ACOXL: variants seen among roughly 807,000 people sequenced by gnomAD.
ACOXL encodes the protein acyl-coenzyme A oxidase-like protein.
Under a neutral mutation model 71.9 loss-of-function variants are expected in ACOXL, and 70 were observed. The ratio of observed to expected loss-of-function variants is 0.97; its 90% CI spans 0.80 to 1.19. The LOEUF (loss-of-function observed/expected upper bound fraction) is 1.19. Ranked by LOEUF, ACOXL falls within the 50% of genes most tolerant of loss-of-function variation. The pLI is 0.00. For missense variants in ACOXL, 703 were observed against 736.3 expected (o/e 0.95, Z 0.52); for synonymous variants, 253 against 281.6 (o/e 0.90, Z 1.02).
At position 110,974,621 on chromosome 2, in the gene ACOXL, C is replaced by T. The variant is rs17041666; in HGVS notation, c.1060-12487C>T. ...ATTTTGCATATATTGTTCATTACTT[C>T]GCAGTGCAGATATGCAAAAATGCAG... is the stretch of plus-strand genomic sequence containing the variant. On this transcript the variant is annotated intron_variant, in intron 12 of 17. Transcript: ENST00000439055. 5.2e-3 allele frequency among the ~76,000 whole-genome samples: 798 copies of T among 152,288 alleles called. 7 individuals carry two copies. Among genetic ancestry groups the T allele is most frequent in the African/African-American group, 0.018 (766 of 41,562 alleles).
intron 13 of ACOXL, among the ~76,000 whole-genome samples, chr2:110,993,595 T>C (rs2063270738): frequency 6.6e-6 from 1 of 152,268 alleles, no homozygotes; most frequent in Non-Finnish European, 1.5e-5. Context: ...ATGAGCATTC[T>C]TGTATAACCT....
intron 15 of ACOXL, among the ~76,000 whole-genome samples, chr2:111,039,138 C>CA (rs1225293717): frequency 6.6e-6 from 1 of 152,142 alleles, no homozygotes; most frequent in Non-Finnish European, 1.5e-5. Context: ...CCAAAAGTGT[C>CA]AAAATGAAGC....
At chr2:111,003,366 G>T (rs1344049345) in intron 14 of ACOXL, among the ~76,000 whole-genome samples, 3 of 151,664 alleles carry the variant, frequency 2.0e-5, no homozygotes, top group Admixed American at 6.6e-5. Flanking sequence ...TGGCCAACAT[G>T]GTGAAACCCC....
intron 17 of ACOXL, 110 bp from the exon 18 acceptor site, chr2:111,117,506 G>GT (rs2070445567): frequency 8.5e-7 from 1 of 1,178,680 alleles, no homozygotes; most frequent in African/African-American, 1.5e-5. Context: ...AGGGAAACTA[G>GT]TTTCCGGGGC....
At chr2:110,912,479 TA>T (rs1292167156) in intron 11 of ACOXL, among the ~76,000 whole-genome samples, 1 of 152,126 alleles carries the variant, frequency 6.6e-6, no homozygotes, top group East Asian at 1.9e-4. Context: ...ATGGCCAGTT[TA>T]TTTTTTACAA....
chr2:110,852,278 G>T (rs954098104), intron 10 of ACOXL, among the ~76,000 whole-genome samples: 1 of 152,188 alleles, frequency 6.6e-6, no homozygotes, highest in Non-Finnish European at 1.5e-5. Context: ...CGTGGTGGAG[G>T]GGGGCTACCA....
At chr2:110,980,049 A>G (rs1027746975) in intron 12 of ACOXL, among the ~76,000 whole-genome samples, 35 of 152,300 alleles carry the variant, frequency 2.3e-4, no homozygotes, top group African/African-American at 7.9e-4. Flanking sequence ...CTGGAGGAAG[A>G]ATACACGCTT....
intron 1 of ACOXL, among the ~76,000 whole-genome samples, chr2:110,747,363 C>G (rs187528393): frequency 1.4e-4 from 22 of 152,294 alleles, no homozygotes; most frequent in Admixed American, 1.1e-3. Flanking sequence ...GCAGACTCAG[C>G]CATCCCATGG....
chr2:110,753,643 A>G (rs1402233937), intron 1 of ACOXL, among the ~76,000 whole-genome samples: 1 of 152,204 alleles, frequency 6.6e-6, no homozygotes, highest in Non-Finnish European at 1.5e-5. Flanking sequence ...GGCTGTTTCT[A>G]GTTTGGAGCT....
intron 7 of ACOXL, 85 bp downstream of exon 7, chr2:110,799,185 T>C (rs1196195516): frequency 3.6e-6 from 5 of 1,374,634 alleles, no homozygotes; most frequent in Non-Finnish European, 4.1e-6. Context: ...CTACGTTATA[T>C]TACCGAAGCA....
intron 2 of ACOXL, 143 bp from the exon 3 acceptor site, chr2:110,784,588 TG>T (rs35792628): frequency 1.3e-5 from 7 of 559,742 alleles, no homozygotes; most frequent in Admixed American, 7.8e-5. Context: ...AGTAGAATGA[TG>T]GAATTGTTTC....
intron 11 of ACOXL, among the ~76,000 whole-genome samples, chr2:110,910,907 A>T (rs1015058666): frequency 2.6e-5 from 4 of 152,104 alleles, no homozygotes; most frequent in Non-Finnish European, 1.5e-5. Flanking sequence ...TTTTCTTAAT[A>T]ATGTTATTTG....
At chr2:110,986,957 G>A in intron 12 of ACOXL, 151 bp from the exon 13 acceptor site, 1 of 662,160 alleles carries the variant, frequency 1.5e-6, no homozygotes. Flanking sequence ...TTGCCTTGGG[G>A]AAATAGAGAC....
At chr2:110,831,575 A>G (rs1428871334) in intron 9 of ACOXL, among the ~76,000 whole-genome samples, 2 of 152,238 alleles carry the variant, frequency 1.3e-5, no homozygotes, top group African/African-American at 4.8e-5. Flanking sequence ...TTTTATGTAA[A>G]TATATCCAGG....
intron 17 of ACOXL, among the ~76,000 whole-genome samples, chr2:111,096,151 C>A (rs2068787127): frequency 6.6e-6 from 1 of 152,138 alleles, no homozygotes; most frequent in Non-Finnish European, 1.5e-5. Flanking sequence ...ATTCTTTCTT[C>A]AGATGCATCT....
chr2:110,934,799 A>T (rs2060601035), intron 12 of ACOXL, among the ~76,000 whole-genome samples: 3 of 151,942 alleles, frequency 2.0e-5, no homozygotes, highest in African/African-American at 7.3e-5. Context: ...GTCCCTGATG[A>T]TGGTGGGGGG....
rs61741286 is a variant in ACOXL, at chr2:110,967,980, T to C, written c.1060-19128T>C. ...AAAATAAATACAACACACCCAAATA[T>C]AGGATAGTAGTTCATCTAACCAACA... On this transcript the variant is annotated intron_variant, in intron 12 of 17. Transcript: ENST00000439055. 7.4e-3 allele frequency: 6,841 copies of C among 923,074 alleles called. 50 individuals carry two copies. The highest frequency in any genetic ancestry group is 0.01 in the Non-Finnish European group (5,912 of 566,480). The allele number at this position is 923,074 out of a possible 1,614,324, so 57.2% of individuals were successfully genotyped here. A position where few individuals can be genotyped will look rare whatever the true frequency, so the allele number is the denominator to read the frequency against.
At chr2:110,974,284 A>G (rs752250398) in intron 12 of ACOXL, among the ~76,000 whole-genome samples, 49 of 152,246 alleles carry the variant, frequency 3.2e-4, no homozygotes, top group Non-Finnish European at 6.0e-4. Context: ...GCTTTCTACC[A>G]GAAGGTAAAA....
intron 10 of ACOXL, among the ~76,000 whole-genome samples, chr2:110,888,243 G>A (rs754912736): frequency 2.6e-5 from 4 of 152,132 alleles, no homozygotes; most frequent in South Asian, 2.1e-4. Flanking sequence ...TGGAAGGGAC[G>A]GGAAGTGTTT....
Sources: allele counts gnomAD v4.1 joint callset (sites outside exome capture counted in the v4.1 genomes callset), GRCh38; gene constraint gnomAD v4.1.1; transcripts MANE v1.5; gene names NCBI Gene and HGNC (gene_info 2026-07-23, HGNC 2026-07-21).